USP42: variants seen among roughly 807,000 people sequenced by gnomAD.
The protein encoded by USP42 is ubiquitin specific peptidase 42, also known as ubiquitin carboxyl-terminal hydrolase 42.
Under a neutral mutation model 113.0 loss-of-function variants are expected in USP42, and 23 were observed. The ratio of observed to expected loss-of-function variants is 0.20; its 90% CI spans 0.15 to 0.29. The LOEUF is 0.29. Among genes scored for constraint, USP42 ranks in the 10% least tolerant of loss-of-function variants. The pLI, the probability that USP42 is intolerant of heterozygous loss-of-function variation, is 1.00. For synonymous variants in USP42, 933 were observed against 699.0 expected (o/e 1.33, Z -5.28); for missense variants, 2,174 against 1,779.8 (o/e 1.22, Z -3.99).
intron 3 of USP42, among the ~76,000 whole-genome samples, chr7:6,127,219 A>G (rs1233147098): frequency 2.6e-5 from 4 of 152,170 alleles, no homozygotes; most frequent in South Asian, 2.1e-4. Context: ...GTGGTTTCCA[A>G]ATGTTTTCTC....
At chr7:6,095,027 A>T in the USP42 span, among the ~76,000 whole-genome samples, 82 of 151,326 alleles carry the variant, frequency 5.4e-4, 6 homozygotes, top group African/African-American at 1.8e-3. Flanking sequence ...ACCTCAAGGG[A>T]TCTGCCCGTC....
In USP42 at chr7:6,142,915, G is replaced by A. The variant is rs750457038; in HGVS notation, c.796-17G>A. 1.2e-6 allele frequency: 2 copies of A among 1,613,358 alleles called. No individual in the cohort carries two copies. Among genetic ancestry groups the A allele is most frequent in the East Asian group, 2.2e-5 (1 of 44,886 alleles). ...CGGTGTGCGGTGATGTGGTGTTTGT[G>A]CCTCTTCTCTTCCCAGGCTGCTCAG... On this transcript the variant is annotated splice_polypyrimidine_tract_variant and intron_variant, in intron 7 of 17. Coordinates refer to ENST00000306177, the MANE Select transcript of USP42 (RefSeq NM_032172.3).
Position 6,154,007 on chromosome 7 carries a change from T to TACA in USP42, c.2453_2454insACA (p.Leu818_Cys819insGln). 6.2e-7 allele frequency: 1 copy of TACA among 1,603,442 alleles called. No homozygotes were observed. The highest frequency in any genetic ancestry group is 8.5e-7 in the Non-Finnish European group (1 of 1,178,846). On this transcript the variant is annotated inframe_insertion, in exon 15 of 18. Coordinates refer to ENST00000306177, the MANE Select transcript of USP42 (RefSeq NM_032172.3). ...GTGGGGGACACAGCACCCCCTGACCTGTGTGATCCCGGGAGCTTAACAGGC... is the reference window on the plus strand; with the variant it reads ...GTGGGGGACACAGCACCCCCTGACCTACAGTGTGATCCCGGGAGCTTAACAGGC...
At chr7:6,121,324 G>A (rs528346707) in intron 3 of USP42, among the ~76,000 whole-genome samples, 2 of 152,182 alleles carry the variant, frequency 1.3e-5, no homozygotes, top group South Asian at 2.1e-4. Flanking sequence ...ATGCTTGAAT[G>A]TTAAACCAAC....
intron 15 of USP42, among the ~76,000 whole-genome samples, 171 bp downstream of exon 15, chr7:6,155,366 G>T (rs1782385497): frequency 6.6e-6 from 1 of 152,130 alleles, no homozygotes; most frequent in Non-Finnish European, 1.5e-5. Flanking sequence ...TTACAGATTT[G>T]TAAAAATTTG....
intron 3 of USP42, among the ~76,000 whole-genome samples, chr7:6,122,940 C>T (rs753222002): frequency 6.6e-6 from 1 of 152,044 alleles, no homozygotes; most frequent in Non-Finnish European, 1.5e-5. Context: ...TCTCATACCT[C>T]AGCCTCCTGA....
intron 11 of USP42, among the ~76,000 whole-genome samples, 193 bp from the exon 12 acceptor site, chr7:6,147,543 CTTG>C (rs1449089292): frequency 2.0e-5 from 3 of 152,226 alleles, no homozygotes; most frequent in African/African-American, 4.8e-5. Flanking sequence ...CCCAGTTATC[CTTG>C]TTGTCTCCTG....
upstream of USP42, among the ~76,000 whole-genome samples, chr7:6,100,004 C>CTGTTTT (rs1554332998): frequency 6.9e-6 from 1 of 144,290 alleles, no homozygotes; most frequent in African/African-American, 2.7e-5. Flanking sequence ...TTTCACAAGT[C>CTGTTTT]TATTATTATT....
chr7:6,142,632 T>A (rs1331993030), intron 7 of USP42, among the ~76,000 whole-genome samples: 1 of 152,168 alleles, frequency 6.6e-6, no homozygotes, highest in East Asian at 1.9e-4. Flanking sequence ...CCTGTAATCC[T>A]AACAGTTTGG....
At chr7:6,126,242 C>T (rs1211556843) in intron 3 of USP42, among the ~76,000 whole-genome samples, 3 of 150,890 alleles carry the variant, frequency 2.0e-5, no homozygotes, top group East Asian at 3.9e-4. Context: ...ATTAATAATT[C>T]TTTCATTGGT....
the USP42 span, among the ~76,000 whole-genome samples, chr7:6,095,932 T>A: frequency 1.6e-4 from 24 of 150,452 alleles, 1 homozygote; most frequent in African/African-American, 5.0e-4. Context: ...CTTTTTTTTT[T>A]AATTTATTTT....
rs554953244 is a variant in USP42 at position 6,159,968 on chromosome 7, C to T, written c.*36+475C>T. ...GAGCCAGCACCCCCCCAGCAGCCACCGTACAAAACCATAGGAAGGTGGCCC... is the reference window on the plus strand; with the variant it reads ...GAGCCAGCACCCCCCCAGCAGCCACTGTACAAAACCATAGGAAGGTGGCCC... On this transcript the variant is annotated intron_variant, in intron 17 of 17. Transcript: ENST00000306177. The surrounding 1 kb of genome is among the most constrained non-coding windows in gnomAD (Gnocchi z 4.1). 2.6e-5 allele frequency among the ~76,000 whole-genome samples: 4 copies of T among 152,344 alleles called. No homozygotes were observed. Among genetic ancestry groups the T allele is most frequent in the East Asian group, 3.9e-4 (2 of 5,188 alleles).
At chr7:6,135,184 A>G (rs912435867) in intron 3 of USP42, among the ~76,000 whole-genome samples, 2 of 152,212 alleles carry the variant, frequency 1.3e-5, no homozygotes, top group African/African-American at 4.8e-5. Context: ...TTTCCTGTAT[A>G]GAGAGTAGCT....
chr7:6,083,956 G>A, the USP42 span, among the ~76,000 whole-genome samples: 3 of 151,196 alleles, frequency 2.0e-5, no homozygotes, highest in East Asian at 1.9e-4. Flanking sequence ...AGTGATTAAG[G>A]GTACCTAACT....
Position 6,108,623 on chromosome 7 carries a change from G to C in USP42, c.-9-2502G>C, listed in dbSNP as rs535122583. On this transcript the variant is annotated intron_variant, in intron 1 of 17. Coordinates refer to ENST00000306177, the MANE Select transcript of USP42 (RefSeq NM_032172.3). ...AGCTTCCCGAGTAGCTGGGATTACA[G>C]ACACGCACCACCATGCCCAGCTAAT... 1.8e-4 allele frequency among the ~76,000 whole-genome samples: 27 copies of C among 152,154 alleles called. 1 individual carries two copies. Among genetic ancestry groups the C allele is most frequent in the African/African-American group, 6.0e-4 (25 of 41,516 alleles).
chr7:6,144,513 T>G (rs538052147), intron 9 of USP42, among the ~76,000 whole-genome samples: 1 of 152,176 alleles, frequency 6.6e-6, no homozygotes, highest in African/African-American at 2.4e-5. Context: ...TTCTGAAGAT[T>G]GAAAGTGGTC....
chr7:6,159,348 C>A lies in USP42; in HGVS notation c.3944-102C>A. 6.6e-7 allele frequency: 1 copy of A among 1,513,740 alleles called. No individual in the cohort carries two copies. Among genetic ancestry groups the A allele is most frequent in the Non-Finnish European group, 9.1e-7 (1 of 1,099,580 alleles). 93.8% of individuals were successfully genotyped at this position (1,513,740 alleles called of 1,614,324 possible). The stretch of plus-strand genomic sequence containing the variant: ...GTGGCCTCAGGCGCTCACAGGGAAC[C>A]GCAGTGACTCTGACCATAGCCACTT... On this transcript the variant is annotated intron_variant, in intron 16 of 17. Coordinates refer to ENST00000306177, the MANE Select transcript of USP42 (RefSeq NM_032172.3). The surrounding 1 kb of genome is among the most constrained non-coding windows in gnomAD (Gnocchi z 4.1).
Position 6,111,108 on chromosome 7 carries a change from CT to C in USP42, c.-9-13del, listed in dbSNP as rs772074396. On this transcript the variant is annotated splice_polypyrimidine_tract_variant and intron_variant, in intron 1 of 17. Transcript: ENST00000306177. ...TCTCACCTGATGAAACAAATACATA[CT>C]TTTCATCTTTTGCAGAGTTGAACAA... 2.5e-5 allele frequency: 40 copies of C among 1,600,290 alleles called. No homozygotes were observed. In the Admixed American group the frequency reaches 5.7e-4, roughly 23 times the overall value.
chr7:6,152,374 G>GT, intron 14 of USP42, among the ~76,000 whole-genome samples: 1 of 152,370 alleles, frequency 6.6e-6, no homozygotes, highest in Admixed American at 6.5e-5. Flanking sequence ...GGAAACGTCA[G>GT]TGTCAGTGAA....
Sources: gnomAD v4.1 joint callset for allele counts (sites outside exome capture counted in the v4.1 genomes callset) on GRCh38, gnomAD v4.1.1 for gene constraint, Gnocchi (gnomAD v3.1) non-coding constraint, MANE v1.5 for transcripts, NCBI Gene and HGNC (gene_info 2026-07-23, HGNC 2026-07-21) for gene names.